The following USP32 variants were observed in gnomAD, a reference collection of about 807,000 sequenced individuals.
The protein encoded by USP32 is ubiquitin carboxyl-terminal hydrolase 32.
In USP32, 59 loss-of-function variants were observed where a neutral mutation model predicts 204.8. That is an observed-to-expected ratio of 0.29 (90% CI 0.23 to 0.36). The LOEUF is 0.36. Among genes scored for constraint, USP32 ranks in the 10% least tolerant of loss-of-function variants. USP32 has a pLI of 1.00. For missense variants in USP32, 1,160 were observed against 1,946.4 expected (o/e 0.60, Z 7.60); for synonymous variants, 517 against 678.4 (o/e 0.76, Z 3.70).
intron 3 of USP32, among the ~76,000 whole-genome samples, chr17:60,298,730 A>T (rs1033700442): frequency 6.6e-6 from 1 of 152,204 alleles, no homozygotes; most frequent in Non-Finnish European, 1.5e-5. Context: ...AAAAATCAGG[A>T]TCACAATTAT....
At chr17:60,380,781 G>C (rs1226792295) in intron 1 of USP32, among the ~76,000 whole-genome samples, 1 of 152,148 alleles carries the variant, frequency 6.6e-6, no homozygotes, top group African/African-American at 2.4e-5. Flanking sequence ...TGCTATTTGA[G>C]AGAAATGTCT....
At chr17:60,390,519 T>G (rs1038659959) in intron 1 of USP32, among the ~76,000 whole-genome samples, 1 of 152,144 alleles carries the variant, frequency 6.6e-6, no homozygotes, top group African/African-American at 2.4e-5. Flanking sequence ...TAAAAACAAT[T>G]ATTATACTGT....
intron 9 of USP32, among the ~76,000 whole-genome samples, chr17:60,257,693 A>T (rs138209585): frequency 6.6e-6 from 1 of 152,196 alleles, no homozygotes; most frequent in East Asian, 1.9e-4. Flanking sequence ...TATGTTGCCC[A>T]GGCTGGTCTT....
intron 1 of USP32, among the ~76,000 whole-genome samples, chr17:60,415,122 G>T (rs1420442442): frequency 1.3e-5 from 2 of 152,038 alleles, no homozygotes; most frequent in East Asian, 1.9e-4. Flanking sequence ...CCCTAAGAAG[G>T]GTCCTTGCTT....
chr17:60,227,271 CTTTT>C (rs376585619), intron 12 of USP32, among the ~76,000 whole-genome samples: 1 of 122,878 alleles, frequency 8.1e-6, no homozygotes, highest in Non-Finnish European at 1.6e-5. Context: ...TTCTTTTTTT[CTTTT>C]TTTTTTTTTT....
In USP32 at chr17:60,185,474, G is replaced by C. The variant is rs759765849; in HGVS notation, c.3820C>G (p.Leu1274Val). 6.2e-7 allele frequency: 1 copy of C among 1,606,756 alleles called. No individual in the cohort carries two copies. Among genetic ancestry groups the C allele is most frequent in the African/African-American group, 1.3e-5 (1 of 74,786 alleles). The stretch of plus-strand genomic sequence containing the variant: ...CTGTAACATACCAGGATGGGTGGAA[G>C]CCTCCAGAGATCCAGCTTCTTTGTT... Reference protein sequence around the residue: ...LATKKLDLWRLPPILIIHLKR... With the variant: ...LATKKLDLWRVPPILIIHLKR... Residue 1274 changes from leucine (L) to valine (V), a missense_variant, in exon 30 of 34, where the codon CTT (leucine) becomes GTT (valine). Around this residue, in one of 8 missense-constraint regions of USP32, gnomAD observed 160 missense variants for 322.5 expected, o/e 0.50. Coordinates refer to ENST00000300896, the MANE Select transcript of USP32 (RefSeq NM_032582.4).
chr17:60,385,031 C>G (rs944123420), intron 1 of USP32, among the ~76,000 whole-genome samples: 6 of 152,224 alleles, frequency 3.9e-5, no homozygotes, highest in African/African-American at 1.4e-4. Context: ...ACAATACATT[C>G]AGATGGCCTG....
chr17:60,238,709 C>G (rs1312991193), intron 11 of USP32, among the ~76,000 whole-genome samples: 1 of 150,904 alleles, frequency 6.6e-6, no homozygotes, highest in Non-Finnish European at 1.5e-5. Flanking sequence ...GAGGCTGACA[C>G]AGTAGAATCG....
At chr17:60,310,335 A>C (rs1335114186) in intron 2 of USP32, among the ~76,000 whole-genome samples, 1 of 152,212 alleles carries the variant, frequency 6.6e-6, no homozygotes, top group Admixed American at 6.5e-5. Flanking sequence ...GTTTGGAATT[A>C]ACCTAAGTGC....
intron 1 of USP32, among the ~76,000 whole-genome samples, chr17:60,366,222 G>A (rs547712008): frequency 2.0e-5 from 3 of 151,962 alleles, no homozygotes; most frequent in Non-Finnish European, 4.4e-5. Flanking sequence ...GCAGTGGCGC[G>A]ATCTCGGCTC....
intron 1 of USP32, among the ~76,000 whole-genome samples, chr17:60,413,492 G>A (rs2090034495): frequency 6.6e-6 from 1 of 152,128 alleles, no homozygotes; most frequent in Admixed American, 6.6e-5. Context: ...AAGGAAGGGA[G>A]GACAGGTGGA....
At position 60,215,082 on chromosome 17, in the gene USP32, C is replaced by T. The variant is rs970263163; in HGVS notation, c.1868-308G>A. Among the ~76,000 whole-genome samples, 6 of 152,124 alleles carry T rather than the reference C, an allele frequency of 3.9e-5. 1 individual carries two copies. Among genetic ancestry groups the T allele is most frequent in the Admixed American group, 3.3e-4 (5 of 15,262 alleles). On this transcript the variant is annotated intron_variant, in intron 16 of 33. Coordinates refer to ENST00000300896, the MANE Select transcript of USP32 (RefSeq NM_032582.4). ...TCCAAGGCTCAAGCAATCCTCCCAC[C>T]TCAGCCTCCTGAGTAGCTGGTACTA...
At chr17:60,375,566 CTT>C (rs1567883529) in intron 1 of USP32, among the ~76,000 whole-genome samples, 1 of 152,104 alleles carries the variant, frequency 6.6e-6, no homozygotes, top group African/African-American at 2.4e-5. Flanking sequence ...TAAATTATCT[CTT>C]AACACTATTT....
intron 4 of USP32, among the ~76,000 whole-genome samples, chr17:60,291,223 A>G (rs1217218371): frequency 1.3e-5 from 2 of 152,232 alleles, no homozygotes; most frequent in Non-Finnish European, 2.9e-5. Flanking sequence ...TCACTTGCCC[A>G]TTGGGAATCA....
chr17:60,267,452 A>G (rs556156051), intron 7 of USP32, among the ~76,000 whole-genome samples: 2 of 152,332 alleles, frequency 1.3e-5, no homozygotes, highest in South Asian at 4.1e-4. Flanking sequence ...ATATAAAGAC[A>G]GTCCACTTCC....
At chr17:60,418,416 T>C (rs2090079320) in intron 1 of USP32, among the ~76,000 whole-genome samples, 1 of 150,056 alleles carries the variant, frequency 6.7e-6, no homozygotes, top group African/African-American at 2.4e-5. Flanking sequence ...TTTTTTTTTT[T>C]ACTATTAACT....
At chr17:60,193,663 G>A (rs1023638855) in intron 27 of USP32, among the ~76,000 whole-genome samples, 5 of 152,142 alleles carry the variant, frequency 3.3e-5, no homozygotes, top group Admixed American at 1.3e-4. Context: ...GAAGCAATGC[G>A]AGGAATATAA....
intron 1 of USP32, among the ~76,000 whole-genome samples, chr17:60,374,458 C>A (rs1404408717): frequency 1.3e-5 from 2 of 150,760 alleles, no homozygotes; most frequent in Non-Finnish European, 2.9e-5. Context: ...AGTGCACTGG[C>A]GTGATCAAGG....
rs574888411 is a variant in USP32 at position 60,196,946 on chromosome 17, C to T, written c.3434+1314G>A. Among the ~76,000 whole-genome samples, 23 of 148,648 alleles carry T rather than the reference C, an allele frequency of 1.5e-4. No individual in the cohort carries two copies. In the East Asian group the frequency reaches 3.1e-3, roughly 20 times the overall value. ...CTGTAATACCAGTACTTTGAGAGGC[C>T]GAGGTAGGTGGATTACTTGAGGCCA... On this transcript the variant is annotated intron_variant, in intron 27 of 33. Transcript: ENST00000300896.
Sources: gnomAD v4.1 joint callset for allele counts (sites outside exome capture counted in the v4.1 genomes callset) on GRCh38, gnomAD v4.1.1 for gene constraint, gnomAD v4.1.1 regional missense constraint, MANE v1.5 for transcripts, NCBI Gene and HGNC (gene_info 2026-07-23, HGNC 2026-07-21) for gene names.